Variants in NPAS3 observed in about 807,000 individuals in gnomAD.
NPAS3 encodes neuronal PAS domain protein 3, also known as neuronal PAS domain-containing protein 3.
Under a neutral mutation model 73.1 loss-of-function variants are expected in NPAS3, and 14 were observed. The observed-to-expected ratio is 0.19, with a 90% CI of 0.13 to 0.30. The LOEUF (loss-of-function observed/expected upper bound fraction) is 0.30. Among genes scored for constraint, NPAS3 ranks in the 10% least tolerant of loss-of-function variants. The pLI is 1.00. For synonymous variants in NPAS3, 620 were observed against 541.5 expected (o/e 1.14, Z -2.01); for missense variants, 1,096 against 1,250.0 (o/e 0.88, Z 1.86).
chr14:33,305,187 T>A (rs1320037527), intron 3 of NPAS3, among the ~76,000 whole-genome samples: 1 of 152,166 alleles, frequency 6.6e-6, no homozygotes, highest in African/African-American at 2.4e-5. Flanking sequence ...GTTATTTTTC[T>A]TGAATCATCA....
Position 33,410,583 on chromosome 14 carries a change from G to C in NPAS3, c.468+43315G>C, listed in dbSNP as rs993794124. ...CAGATTTCTTTTGCAGATATTCAAGGCTCCTTCTGTCAGATCATCACAAAA... is the reference window on the plus strand; with the variant it reads ...CAGATTTCTTTTGCAGATATTCAAGCCTCCTTCTGTCAGATCATCACAAAA... On this transcript the variant is annotated intron_variant, in intron 4 of 11. Coordinates refer to ENST00000356141, the Ensembl canonical transcript of NPAS3. 4.6e-5 allele frequency among the ~76,000 whole-genome samples: 7 copies of C among 152,094 alleles called. No homozygotes were observed. The East Asian group carries it at 9.6e-4, about 21-fold the overall frequency.
chr14:33,719,765 G>A (rs1411515240), intron 6 of NPAS3, among the ~76,000 whole-genome samples: 2 of 152,078 alleles, frequency 1.3e-5, no homozygotes, highest in African/African-American at 2.4e-5. Context: ...GTGACATTAG[G>A]GAAGTGAACC....
intron 7 of NPAS3, among the ~76,000 whole-genome samples, chr14:33,764,186 A>G (rs1221668362): frequency 9.9e-5 from 15 of 152,182 alleles, no homozygotes; most frequent in Admixed American, 9.8e-4. Context: ...AGGCTGCCTT[A>G]ACATCTTCTC....
At chr14:33,457,626 C>T (rs73265003) in intron 4 of NPAS3, among the ~76,000 whole-genome samples, 50 of 152,264 alleles carry the variant, frequency 3.3e-4, no homozygotes, top group African/African-American at 1.2e-3. Context: ...CAAGGAATTT[C>T]ATTCCTTCTT....
intron 1 of NPAS3, among the ~76,000 whole-genome samples, chr14:32,955,183 A>G (rs974190036): frequency 6.6e-5 from 10 of 152,122 alleles, no homozygotes; most frequent in African/African-American, 1.4e-4. Flanking sequence ...TCAATGTCCA[A>G]TGATTTGGCA....
rs566370572 is a variant in NPAS3, at chr14:33,376,658, A to G, written c.468+9390A>G. 9.8e-5 allele frequency among the ~76,000 whole-genome samples: 15 copies of G among 152,294 alleles called. No individual in the cohort carries two copies. In the South Asian group the frequency reaches 3.1e-3, roughly 32 times the overall value. ...TTGTATCCACATCTCCAGACATGGG[A>G]GAGTATATGACAGATTCATTATGTG... On this transcript the variant is annotated intron_variant, in intron 4 of 11. Coordinates refer to ENST00000356141, the Ensembl canonical transcript of NPAS3.
intron 4 of NPAS3, among the ~76,000 whole-genome samples, chr14:33,468,059 C>T (rs1017442061): frequency 6.6e-6 from 1 of 152,186 alleles, no homozygotes; most frequent in Admixed American, 6.5e-5. Flanking sequence ...ATCATGCCCC[C>T]CAAGAGTACA....
chr14:33,727,700 A>G (rs893319593), intron 6 of NPAS3, among the ~76,000 whole-genome samples: 4 of 152,128 alleles, frequency 2.6e-5, no homozygotes, highest in African/African-American at 9.7e-5. Context: ...CTGTGTTTTT[A>G]TATGAAGAAT....
chr14:33,231,482 C>T (rs1343897265), intron 3 of NPAS3, among the ~76,000 whole-genome samples: 1 of 151,978 alleles, frequency 6.6e-6, no homozygotes, highest in Non-Finnish European at 1.5e-5. Flanking sequence ...TTTGCTTGAG[C>T]CAGGTATGAC....
At chr14:33,576,277 A>C (rs2056429723) in intron 5 of NPAS3, among the ~76,000 whole-genome samples, 1 of 152,120 alleles carries the variant, frequency 6.6e-6, no homozygotes, top group Non-Finnish European at 1.5e-5. Flanking sequence ...TAAATTTTTC[A>C]TCCCTTTCAG....
At chr14:33,686,044 G>A (rs562608798) in intron 6 of NPAS3, among the ~76,000 whole-genome samples, 1 of 152,338 alleles carries the variant, frequency 6.6e-6, no homozygotes, top group South Asian at 2.1e-4. Context: ...AGGAGATAGT[G>A]CTGCTATCCT....
chr14:33,093,448 T>A (rs2042298530), intron 2 of NPAS3, among the ~76,000 whole-genome samples: 1 of 152,130 alleles, frequency 6.6e-6, no homozygotes, highest in African/African-American at 2.4e-5. Context: ...AGAATGGTGA[T>A]CATTAAAAAG....
chr14:33,477,549 G>GCA (rs1397741322), intron 4 of NPAS3, among the ~76,000 whole-genome samples: 1 of 151,718 alleles, frequency 6.6e-6, no homozygotes, highest in East Asian at 1.9e-4. Flanking sequence ...CATACACACA[G>GCA]CACACACACA....
intron 2 of NPAS3, among the ~76,000 whole-genome samples, chr14:33,095,262 A>G (rs1244007877): frequency 1.3e-5 from 2 of 152,232 alleles, no homozygotes; most frequent in African/African-American, 4.8e-5. Context: ...GACGTGATCT[A>G]CATTTAATCT....
In NPAS3 at chr14:33,143,106, AAAG is replaced by A. The variant is rs887870835; in HGVS notation, c.141-72067_141-72065del. 9.2e-5 allele frequency among the ~76,000 whole-genome samples: 14 copies of A among 152,134 alleles called. No individual in the cohort carries two copies. The East Asian group carries it at 1.4e-3, about 15-fold the overall frequency. On this transcript the variant is annotated intron_variant, in intron 2 of 11. Transcript: ENST00000356141. ...GGCAACAAGAGCGAAACTCCATCTA[AAAG>A]AAGAAGAAAGAAATACCTCTTAAAT...
Position 33,383,948 on chromosome 14 carries a change from T to C in NPAS3, c.468+16680T>C, listed in dbSNP as rs1164125604. On this transcript the variant is annotated intron_variant, in intron 4 of 11. Coordinates refer to ENST00000356141, the Ensembl canonical transcript of NPAS3. Reference sequence around the variant, plus strand: ...ACACTATTAGAAATAATAATATACATGCCAGCTGTTCTCTAGAGTATAAAA... The same window carrying C: ...ACACTATTAGAAATAATAATATACACGCCAGCTGTTCTCTAGAGTATAAAA... Among the ~76,000 whole-genome samples the C allele has an allele frequency of 3.9e-5, 6 of 152,156 alleles. No individual in the cohort carries two copies. The East Asian group carries it at 9.6e-4, about 24-fold the overall frequency.
intron 1 of NPAS3, among the ~76,000 whole-genome samples, chr14:32,972,198 A>G (rs1159059064): frequency 6.6e-6 from 1 of 151,672 alleles, no homozygotes; most frequent in Non-Finnish European, 1.5e-5. Flanking sequence ...TCAGCCTCCC[A>G]AAGTGCTGGG....
chr14:33,371,588 T>C (rs1280089413), intron 4 of NPAS3, among the ~76,000 whole-genome samples: 2 of 152,232 alleles, frequency 1.3e-5, no homozygotes, highest in Non-Finnish European at 2.9e-5. Context: ...AATGCCATTC[T>C]ATACTATGGA....
intron 7 of NPAS3, among the ~76,000 whole-genome samples, chr14:33,762,673 C>T (rs1054562872): frequency 6.6e-6 from 1 of 152,108 alleles, no homozygotes; most frequent in South Asian, 2.1e-4. Flanking sequence ...TGACACCACA[C>T]CCTCATCTAT....
Sources: allele counts gnomAD v4.1 joint callset (sites outside exome capture counted in the v4.1 genomes callset), GRCh38; gene constraint gnomAD v4.1.1; transcripts MANE v1.5; gene names NCBI Gene and HGNC (gene_info 2026-07-23, HGNC 2026-07-21).